USP46: variants seen among roughly 807,000 people sequenced by gnomAD.
USP46 encodes the protein ubiquitin specific peptidase 46.
In USP46, 12 loss-of-function variants were observed where a neutral mutation model predicts 44.4. That is an observed-to-expected ratio of 0.27 (90% CI 0.17 to 0.44). USP46 has a LOEUF of 0.44. Ranked by LOEUF, USP46 falls within the 20% of genes least tolerant of loss-of-function variation. The pLI, the probability that USP46 is intolerant of heterozygous loss-of-function variation, is 1.00. For synonymous variants in USP46, 155 were observed against 161.5 expected (o/e 0.96, Z 0.31); for missense variants, 248 against 444.8 (o/e 0.56, Z 3.98).
rs192663007 is a variant in USP46 at position 52,651,415 on chromosome 4, G to T, written c.36+7700C>A. On this transcript the variant is annotated intron_variant, in intron 1 of 8. Coordinates refer to ENST00000441222, the MANE Select transcript of USP46 (RefSeq NM_022832.4). ...CCCAGAGTCTAAATTTTTAATAAGA[G>T]AATGCACATGTGGGAACCATTCTTT... 2.0e-5 allele frequency among the ~76,000 whole-genome samples: 3 copies of T among 152,172 alleles called. No individual in the cohort carries two copies. The East Asian group carries it at 5.8e-4, about 29-fold the overall frequency.
At chr4:52,618,724 A>C (rs1428357239) in intron 4 of USP46, among the ~76,000 whole-genome samples, 1 of 152,190 alleles carries the variant, frequency 6.6e-6, no homozygotes, top group African/African-American at 2.4e-5. Flanking sequence ...GGCTTTGGAA[A>C]AGTGCAACTA....
rs561495040 is a variant in USP46 at position 52,609,108 on chromosome 4, A to C, written c.638+1433T>G. Among the ~76,000 whole-genome samples the C allele has an allele frequency of 3.3e-5, 5 of 152,340 alleles. No individual in the cohort carries two copies. In the East Asian group the frequency reaches 9.7e-4, roughly 29 times the overall value. On this transcript the variant is annotated intron_variant, in intron 5 of 8. Coordinates refer to ENST00000441222, the MANE Select transcript of USP46 (RefSeq NM_022832.4). ...TGGCTTACTCTGCCTAAGACACAGT[A>C]CTGAGGTTTGAAATATTAGAATTAT...
At chr4:52,623,475 C>G (rs974766627) in intron 4 of USP46, among the ~76,000 whole-genome samples, 12 of 151,904 alleles carry the variant, frequency 7.9e-5, no homozygotes, top group African/African-American at 2.4e-4. Context: ...AAAGTGGAAA[C>G]AAAATGAAAT....
In USP46 at chr4:52,631,055, C is replaced by A. The variant is rs1400174352; in HGVS notation, c.117+9G>T. 4 of 1,555,654 alleles carry A rather than the reference C, an allele frequency of 2.6e-6. No homozygotes were observed. The highest frequency in any genetic ancestry group is 3.5e-6 in the Non-Finnish European group (4 of 1,148,388). On this transcript the variant is annotated intron_variant, in intron 2 of 8. Transcript: ENST00000441222. Reference sequence around the variant, plus strand: ...CATTTGATGAAAATAATACATTTTACATACTTACATTGACCAATCCGAAAT... The same window carrying A: ...CATTTGATGAAAATAATACATTTTAAATACTTACATTGACCAATCCGAAAT...
intron 1 of USP46, among the ~76,000 whole-genome samples, chr4:52,649,166 C>T (rs1718664897): frequency 6.6e-6 from 1 of 152,188 alleles, no homozygotes. Flanking sequence ...TAAATGTGGA[C>T]AGCAGGTCAA....
chr4:52,657,736 T>G lies in USP46; in HGVS notation c.36+1379A>C, dbSNP rs151038522. 1.8e-3 allele frequency among the ~76,000 whole-genome samples: 277 copies of G among 152,280 alleles called. 1 individual carries two copies. The highest frequency in any genetic ancestry group is 6.2e-3 in the African/African-American group (257 of 41,534). ...GAAAGGCTCTAGGATCCACTCCCCG[T>G]ATGGAACTCGCCCGGCACCAACCAG... On this transcript the variant is annotated intron_variant, in intron 1 of 8. Coordinates refer to ENST00000441222, the MANE Select transcript of USP46 (RefSeq NM_022832.4).
chr4:52,631,106 T>G lies in USP46; in HGVS notation c.75A>C (p.Pro25=). 4 of 1,567,712 alleles carry G rather than the reference T, an allele frequency of 2.6e-6. No homozygotes were observed. Among genetic ancestry groups the G allele is most frequent in the Non-Finnish European group, 3.5e-6 (4 of 1,154,256 alleles). The change falls in exon 2 of 9, where the codon CCA becomes CCC. Residue 25 remains proline (P), a synonymous_variant. Coordinates refer to ENST00000441222, the MANE Select transcript of USP46 (RefSeq NM_022832.4). The stretch of plus-strand genomic sequence containing the variant: ...AGTGTTCATTGATTGGAAACTGCTC[T>G]GGACCAATGTCTTTTTCCAGAGCAG... ...NASALEKDIG[P]EQFPINEHYF... is the part of the protein sequence containing the mutation.
chr4:52,626,127 T>C lies in USP46; in HGVS notation c.452A>G (p.Asn151Ser). The change falls in exon 4 of 9, where the codon AAT (asparagine) becomes AGT (serine). Residue 151 changes from asparagine to serine, a missense_variant. Around this residue, in one of 5 missense-constraint regions of USP46, gnomAD observed 37 missense variants for 30.6 expected, o/e 1.21. Coordinates refer to ENST00000441222, the MANE Select transcript of USP46 (RefSeq NM_022832.4). The stretch of plus-strand genomic sequence containing the variant: ...TTCCGCAGGTTCGTTCATGTTGCCA[T>C]TTTTTAATTTTCCATTTTGTTTTTC... ...KQEKQNGKLK[N>S]GNMNEPAENN... is the part of the protein sequence containing the mutation. 6.2e-7 allele frequency: 1 copy of C among 1,613,934 alleles called. No homozygotes were observed.
At chr4:52,598,412 C>T (rs1004234337) in intron 8 of USP46, among the ~76,000 whole-genome samples, 11 of 152,252 alleles carry the variant, frequency 7.2e-5, no homozygotes, top group African/African-American at 2.2e-4. Context: ...ATGGATGAAC[C>T]GTGGAGAACA....
Position 52,628,130 on chromosome 4 carries a change from G to A in USP46, c.151C>T (p.Gln51Ter). Reference protein sequence around the residue: ...GNTCYCNSVLQALYFCRPFRE... With the variant: ...GNTCYCNSVL Reference sequence around the variant, plus strand: ...AATGGACGGCAGAAGTACAATGCCTGAAGCACGGAGTTACAGTAGCATGTG... The same window carrying A: ...AATGGACGGCAGAAGTACAATGCCTAAAGCACGGAGTTACAGTAGCATGTG... The change falls in exon 3 of 9, where the codon CAG (glutamine) becomes TAG (stop). Residue 51 changes from glutamine (Q) to a stop codon, truncating the protein, a stop_gained. Transcript: ENST00000441222. LOFTEE classifies it high-confidence loss of function. 6.2e-7 allele frequency: 1 copy of A among 1,613,924 alleles called. No individual in the cohort carries two copies. The highest frequency in any genetic ancestry group is 8.5e-7 in the Non-Finnish European group (1 of 1,179,860).
intron 7 of USP46, among the ~76,000 whole-genome samples, chr4:52,599,939 C>T (rs1322169094): frequency 1.3e-5 from 2 of 152,162 alleles, no homozygotes; most frequent in African/African-American, 4.8e-5. Flanking sequence ...CCTCCCCCAA[C>T]TGCATTCTAT....
At chr4:52,613,791 A>G (rs1216830532) in intron 4 of USP46, among the ~76,000 whole-genome samples, 3 of 152,050 alleles carry the variant, frequency 2.0e-5, no homozygotes, top group African/African-American at 4.8e-5. Flanking sequence ...AACATTCTCA[A>G]TGTTCTGAAT....
At chr4:52,620,121 A>G (rs1717324944) in intron 4 of USP46, among the ~76,000 whole-genome samples, 1 of 152,224 alleles carries the variant, frequency 6.6e-6, no homozygotes, top group Non-Finnish European at 1.5e-5. Context: ...CCTCCAGGAA[A>G]TAACAAGCTA....
At chr4:52,651,338 A>T (rs1718765242) in intron 1 of USP46, among the ~76,000 whole-genome samples, 1 of 152,106 alleles carries the variant, frequency 6.6e-6, no homozygotes, top group South Asian at 2.1e-4. Flanking sequence ...TAAAAGGCAG[A>T]TTCCAGAGCC....
rs1302300508 is a variant in USP46 at position 52,601,884 on chromosome 4, A to G, written c.893T>C (p.Leu298Ser). 6.2e-7 allele frequency: 1 copy of G among 1,613,862 alleles called. No homozygotes were observed. The highest frequency in any genetic ancestry group is 8.5e-7 in the Non-Finnish European group (1 of 1,179,848). Residue 298 changes from leucine to serine, a missense_variant, in exon 7 of 9, where the codon TTG becomes TCG. Around this residue, in one of 5 missense-constraint regions of USP46, gnomAD observed 98 missense variants for 218.2 expected, o/e 0.45. Transcript: ENST00000441222. ...DAVNLDRMYD[L>S]VAVVVHCGSG... ...GCCACAGTGAACGACCACCGCAACC[A>G]AGTCATACATGCGGTCCAGGTTCAC... is the stretch of plus-strand genomic sequence containing the variant.
At chr4:52,658,809 G>A (rs1719058415) in intron 1 of USP46, among the ~76,000 whole-genome samples, 2 of 152,010 alleles carry the variant, frequency 1.3e-5, no homozygotes. Flanking sequence ...GTTCAGGTTC[G>A]GTCGCTTCCC....
intron 1 of USP46, among the ~76,000 whole-genome samples, chr4:52,651,625 A>C (rs1382906042): frequency 6.6e-6 from 1 of 152,222 alleles, no homozygotes; most frequent in Non-Finnish European, 1.5e-5. Context: ...CCTGAAGGAC[A>C]GAGAAATGTA....
At chr4:52,632,990 AAAAGAAAGAAAGAAAGAAAG>A (rs71195120) in intron 1 of USP46, among the ~76,000 whole-genome samples, 1,530 of 65,744 alleles carry the variant, frequency 0.023, 104 homozygotes, top group Middle Eastern at 0.058. Flanking sequence ...GAAAGAAAAG[AAAAGAAAGAAAGAAAGAAAG>A]AAAGAAAGAA....
In USP46 at chr4:52,592,763, C is replaced by T. The variant is rs192310233; in HGVS notation, c.*4877G>A. On this transcript the variant is annotated 3_prime_UTR_variant, in exon 9 of 9. Transcript: ENST00000441222. ...CTGAGGCAGAAGAATCGCTTGAACT[C>T]GGGAGGCAGAGGTTGCAGTGAGCTG... The T allele has an allele frequency of 2.0e-3, 808 of 397,218 alleles. 1 individual carries two copies. Among genetic ancestry groups the T allele is most frequent in the African/African-American group, 9.2e-3 (446 of 48,634 alleles). The allele number at this position is 397,218 out of a possible 1,614,324, so 24.6% of individuals were successfully genotyped here.
Sources: allele counts gnomAD v4.1 joint callset (sites outside exome capture counted in the v4.1 genomes callset), GRCh38; gene constraint gnomAD v4.1.1; regional missense constraint gnomAD v4.1.1; transcripts MANE v1.5; gene names NCBI Gene and HGNC (gene_info 2026-07-23, HGNC 2026-07-21).